Variants in SOS2 observed in about 807,000 individuals in gnomAD.
The protein encoded by SOS2 is SOS Ras/Rho guanine nucleotide exchange factor 2, also known as son of sevenless homolog 2.
Under a neutral mutation model 148.2 loss-of-function variants are expected in SOS2, and 65 were observed. The observed-to-expected ratio is 0.44, with a 90% CI of 0.36 to 0.54. The LOEUF (loss-of-function observed/expected upper bound fraction) is 0.54, where lower values mean the gene tolerates loss of function less well. Ranked by LOEUF, SOS2 falls within the 20% of genes least tolerant of loss-of-function variation. The pLI is 0.00. For synonymous variants in SOS2, 539 were observed against 537.1 expected (o/e 1.00, Z -0.05); for missense variants, 1,341 against 1,590.2 (o/e 0.84, Z 2.67).
At chr14:50,228,278 A>T (rs1421406206) in intron 1 of SOS2, among the ~76,000 whole-genome samples, 1 of 152,060 alleles carries the variant, frequency 6.6e-6, no homozygotes, top group Non-Finnish European at 1.5e-5. Context: ...TCCTAAACTC[A>T]GTTGATCCAC....
intron 1 of SOS2, among the ~76,000 whole-genome samples, chr14:50,217,383 A>G (rs1887066542): frequency 6.6e-6 from 1 of 152,176 alleles, no homozygotes; most frequent in Non-Finnish European, 1.5e-5. Context: ...CATAGATATA[A>G]ATATAAAATT....
intron 1 of SOS2, among the ~76,000 whole-genome samples, chr14:50,217,648 A>C (rs962365399): frequency 6.6e-6 from 1 of 152,216 alleles, no homozygotes; most frequent in African/African-American, 2.4e-5. Flanking sequence ...CCCTAAAAAA[A>C]CAAATTGATA....
rs1428233215 is a variant in SOS2 at position 50,126,902 on chromosome 14, T to C, written c.3379+3059A>G. Among the ~76,000 whole-genome samples the C allele has an allele frequency of 1.3e-4, 6 of 45,596 alleles. No homozygotes were observed. The Admixed American group carries it at 1.4e-3, about 11-fold the overall frequency. 29.9% of individuals were successfully genotyped at this position (45,596 alleles called of 152,430 possible). On this transcript the variant is annotated intron_variant, in intron 21 of 22. Coordinates refer to ENST00000216373, the MANE Select transcript of SOS2 (RefSeq NM_006939.4). ...AAATTTAAAGGGCTCATTAAGTAGA[T>C]GACAAAATGAAAAAAAAAAATACCC...
At position 50,177,530 on chromosome 14, in the gene SOS2, A is replaced by G. The variant is rs141316191; in HGVS notation, c.970-2978T>C. On this transcript the variant is annotated intron_variant, in intron 7 of 22. Coordinates refer to ENST00000216373, the MANE Select transcript of SOS2 (RefSeq NM_006939.4). ...GCTTTATTAATAACTGGGCCCTTTA[A>G]CATTCAAATTCCACAGCAAAAATTC... Among the ~76,000 whole-genome samples, 52 of 152,142 alleles carry G rather than the reference A, an allele frequency of 3.4e-4. No homozygotes were observed. In the East Asian group the frequency reaches 6.0e-3, roughly 18 times the overall value.
At chr14:50,218,911 G>C (rs1484678406) in intron 1 of SOS2, among the ~76,000 whole-genome samples, 1 of 151,946 alleles carries the variant, frequency 6.6e-6, no homozygotes, top group Non-Finnish European at 1.5e-5. Flanking sequence ...TCAAGAGATC[G>C]AGACCATCCT....
intron 17 of SOS2, among the ~76,000 whole-genome samples, chr14:50,139,728 G>C (rs758118570): frequency 6.6e-6 from 1 of 152,096 alleles, no homozygotes; most frequent in Non-Finnish European, 1.5e-5. Context: ...AGGTAGTACA[G>C]ACAAAATATT....
intron 4 of SOS2, among the ~76,000 whole-genome samples, chr14:50,193,465 GATC>G (rs1566474328): frequency 1.3e-5 from 2 of 152,076 alleles, no homozygotes; most frequent in Admixed American, 1.3e-4. Context: ...TCTTTCCTAT[GATC>G]ATCTAATTCT....
At chr14:50,146,744 G>C (rs911911817) in intron 14 of SOS2, among the ~76,000 whole-genome samples, 1 of 152,196 alleles carries the variant, frequency 6.6e-6, no homozygotes, top group Non-Finnish European at 1.5e-5. Context: ...ATCATCCAGA[G>C]ACTGGATAAA....
intron 2 of SOS2, among the ~76,000 whole-genome samples, chr14:50,202,572 A>G (rs568349419): frequency 2.6e-5 from 4 of 152,218 alleles, no homozygotes; most frequent in South Asian, 4.1e-4. Flanking sequence ...TGTCTCTACA[A>G]AAAAATTTAA....
chr14:50,122,643 G>C (rs1253908809), intron 21 of SOS2, among the ~76,000 whole-genome samples: 3 of 151,980 alleles, frequency 2.0e-5, no homozygotes, highest in Non-Finnish European at 2.9e-5. Flanking sequence ...TCTGAATCTG[G>C]GTCTGACTCT....
At chr14:50,156,355 C>T (rs1566829933) in intron 12 of SOS2, 2 of 151,958 alleles carry the variant, frequency 1.3e-5, no homozygotes, top group African/African-American at 2.4e-5. Context: ...AATTACTTCA[C>T]CTTGCTAGGT....
In SOS2 at chr14:50,134,196, T is replaced by C; in HGVS notation, c.3002A>G (p.Lys1001Arg). The change falls in exon 19 of 23, where the codon AAA becomes AGA. Residue 1001 changes from lysine (K) to arginine (R), a missense_variant. This residue lies in a region of SOS2 where 408 missense variants were observed against 506.6 expected (regional missense o/e 0.81). Coordinates refer to ENST00000216373, the MANE Select transcript of SOS2 (RefSeq NM_006939.4). Reference protein sequence around the residue: ...NLNPMGSASEKEFTDYLFNKS... With the variant: ...NLNPMGSASEREFTDYLFNKS... ...GTTGAACAAATAATCTGTAAACTCT[T>C]TTTCAGATGCACTTCCCATGGGGTT... 1.9e-6 allele frequency: 3 copies of C among 1,608,996 alleles called. No homozygotes were observed. The South Asian group carries it at 3.3e-5, about 18-fold the overall frequency.
intron 21 of SOS2, among the ~76,000 whole-genome samples, chr14:50,124,563 G>T (rs1479556507): frequency 6.6e-6 from 1 of 151,962 alleles, no homozygotes; most frequent in Non-Finnish European, 1.5e-5. Flanking sequence ...TTCCAAAAGG[G>T]TTATACTAAT....
chr14:50,164,301 G>A (rs577975381), intron 8 of SOS2, among the ~76,000 whole-genome samples: 2 of 152,058 alleles, frequency 1.3e-5, no homozygotes, highest in African/African-American at 2.4e-5. Context: ...TTAGCCGGGC[G>A]TGGTGATGTG....
chr14:50,146,155 A>G lies in SOS2; in HGVS notation c.2385-559T>C, dbSNP rs1164663282. Among the ~76,000 whole-genome samples the G allele has an allele frequency of 1.7e-3, 252 of 151,028 alleles. 1 individual carries two copies. The highest frequency in any genetic ancestry group is 5.5e-3 in the African/African-American group (226 of 40,858). The stretch of plus-strand genomic sequence containing the variant: ...TCTCCAAAAAAAAAAAAAAAAAAAA[A>G]GAAACGAAAAAAAAGTCTGATAATT... On this transcript the variant is annotated intron_variant, in intron 14 of 22. Coordinates refer to ENST00000216373, the MANE Select transcript of SOS2 (RefSeq NM_006939.4).
intron 13 of SOS2, among the ~76,000 whole-genome samples, chr14:50,150,791 C>A (rs753515473): frequency 6.6e-6 from 1 of 151,966 alleles, no homozygotes; most frequent in Non-Finnish European, 1.5e-5. Context: ...GGCGTGATCT[C>A]GGCTCACTGC....
At chr14:50,206,776 C>CAG (rs10684728) in intron 1 of SOS2, among the ~76,000 whole-genome samples, 3 of 152,124 alleles carry the variant, frequency 2.0e-5, no homozygotes, top group Non-Finnish European at 2.9e-5. Context: ...ATAATAATCA[C>CAG]GTCGTCAGAA....
intron 14 of SOS2, among the ~76,000 whole-genome samples, chr14:50,147,192 T>G (rs1205592632): frequency 6.6e-6 from 1 of 151,640 alleles, no homozygotes; most frequent in East Asian, 1.9e-4. Context: ...TGAGACCCCA[T>G]CTTAAACAAA....
intron 5 of SOS2, among the ~76,000 whole-genome samples, chr14:50,187,345 C>CTTT (rs5808541): frequency 2.2e-4 from 25 of 115,148 alleles, no homozygotes; most frequent in Non-Finnish European, 3.0e-4. Flanking sequence ...ATTATTGTTA[C>CTTT]TTTTTTTTTT....
Sources: allele counts gnomAD v4.1 joint callset (sites outside exome capture counted in the v4.1 genomes callset), GRCh38; gene constraint gnomAD v4.1.1; regional missense constraint gnomAD v4.1.1; transcripts MANE v1.5; gene names NCBI Gene and HGNC (gene_info 2026-07-23, HGNC 2026-07-21).